Variants in DLG2 observed in about 807,000 individuals in gnomAD.
DLG2 encodes disks large homolog 2.
In DLG2, 45 loss-of-function variants were observed where a neutral mutation model predicts 132.5. The ratio of observed to expected loss-of-function variants is 0.34; its 90% CI spans 0.27 to 0.44. DLG2 has a LOEUF of 0.44. Ranked by LOEUF, DLG2 falls within the 20% of genes least tolerant of loss-of-function variation. The pLI, the probability that DLG2 is intolerant of heterozygous loss-of-function variation, is 1.00. For synonymous variants in DLG2, 424 were observed against 419.6 expected (o/e 1.01, Z -0.13); for missense variants, 1,045 against 1,196.9 (o/e 0.87, Z 1.87).
intron 6 of DLG2, among the ~76,000 whole-genome samples, chr11:84,544,632 G>C (rs919086167): frequency 2.0e-5 from 3 of 152,170 alleles, no homozygotes; most frequent in Admixed American, 2.0e-4. Flanking sequence ...CTATCTGGGA[G>C]ACATCTATCA....
intron 6 of DLG2, among the ~76,000 whole-genome samples, chr11:84,562,942 G>C (rs1267210076): frequency 6.6e-6 from 1 of 151,918 alleles, no homozygotes; most frequent in South Asian, 2.1e-4. Flanking sequence ...CATAGACATG[G>C]GGTCTTGGCA....
At chr11:85,049,391 A>G (rs2062670320) in intron 6 of DLG2, among the ~76,000 whole-genome samples, 1 of 152,086 alleles carries the variant, frequency 6.6e-6, no homozygotes, top group Non-Finnish European at 1.5e-5. Flanking sequence ...TCTAGCACCT[A>G]GCACTATGTC....
chr11:83,629,745 A>C (rs1044244182), intron 19 of DLG2, among the ~76,000 whole-genome samples: 1 of 152,024 alleles, frequency 6.6e-6, no homozygotes, highest in Admixed American at 6.6e-5. Flanking sequence ...TCATAAACTC[A>C]CTCTTCCAAG....
chr11:83,797,619 T>G (rs184597628), intron 17 of DLG2, among the ~76,000 whole-genome samples: 1 of 152,042 alleles, frequency 6.6e-6, no homozygotes, highest in Non-Finnish European at 1.5e-5. Flanking sequence ...TCTGGGTTCA[T>G]GCCATTCTCC....
chr11:84,317,250 G>C (rs2098369943), intron 7 of DLG2: 2 of 1,504,678 alleles, frequency 1.3e-6, no homozygotes, highest in South Asian at 2.7e-5. Context: ...TTTCCACCGT[G>C]GATTCCTCAG....
chr11:84,092,527 T>C (rs1030168448), intron 10 of DLG2, among the ~76,000 whole-genome samples: 1 of 152,190 alleles, frequency 6.6e-6, no homozygotes, highest in African/African-American at 2.4e-5. Context: ...ATTGTGTTCT[T>C]TCTCCTATAT....
chr11:83,587,787 C>T (rs1430131550), intron 19 of DLG2, among the ~76,000 whole-genome samples: 1 of 152,126 alleles, frequency 6.6e-6, no homozygotes, highest in African/African-American at 2.4e-5. Flanking sequence ...GGTGCGCGCA[C>T]CGTGCGCGAG....
intron 16 of DLG2, among the ~76,000 whole-genome samples, chr11:83,842,539 A>G (rs2057805350): frequency 6.7e-6 from 1 of 149,490 alleles, no homozygotes; most frequent in East Asian, 2.0e-4. Context: ...AAAAAAAAAA[A>G]AAAAAAAGGC....
intron 19 of DLG2, among the ~76,000 whole-genome samples, chr11:83,612,399 A>T (rs563244787): frequency 6.6e-6 from 1 of 152,372 alleles, no homozygotes; most frequent in East Asian, 1.9e-4. Context: ...CCTAAAACAT[A>T]GTCAGCATCT....
chr11:83,990,599 T>C (rs1286905092), intron 11 of DLG2, among the ~76,000 whole-genome samples: 1 of 152,156 alleles, frequency 6.6e-6, no homozygotes, highest in African/African-American at 2.4e-5. Flanking sequence ...TCAGAATAAA[T>C]ACTCAAATGC....
chr11:84,866,040 A>G (rs779279033), intron 6 of DLG2, among the ~76,000 whole-genome samples: 22 of 152,226 alleles, frequency 1.4e-4, no homozygotes, highest in Non-Finnish European at 3.1e-4. Context: ...GAGGATCAAA[A>G]GGTTGAGGGA....
At chr11:84,637,117 A>G (rs1402285860) in intron 6 of DLG2, among the ~76,000 whole-genome samples, 3 of 152,128 alleles carry the variant, frequency 2.0e-5, no homozygotes, top group Non-Finnish European at 4.4e-5. Context: ...ACAGGTTAAC[A>G]GACCATTATG....
intron 6 of DLG2, among the ~76,000 whole-genome samples, chr11:84,637,311 G>A (rs1164565399): frequency 6.6e-6 from 1 of 152,134 alleles, no homozygotes; most frequent in Non-Finnish European, 1.5e-5. Flanking sequence ...TCTTTTCTGT[G>A]AACCCACCAC....
chr11:85,305,561 G>A (rs2079881696), intron 3 of DLG2, among the ~76,000 whole-genome samples: 2 of 152,086 alleles, frequency 1.3e-5, no homozygotes, highest in South Asian at 4.2e-4. Context: ...CGCACAGGCT[G>A]GAGTGCAGTG....
At chr11:84,840,529 T>C (rs1009584308) in intron 6 of DLG2, among the ~76,000 whole-genome samples, 1 of 151,970 alleles carries the variant, frequency 6.6e-6, no homozygotes, top group African/African-American at 2.4e-5. Flanking sequence ...CTACTATAAA[T>C]ACACATGCAC....
intron 3 of DLG2, among the ~76,000 whole-genome samples, chr11:85,425,078 T>A (rs2090609587): frequency 6.6e-6 from 1 of 151,894 alleles, no homozygotes; most frequent in South Asian, 2.1e-4. Context: ...CCTTACCCCA[T>A]AAACCAGAAG....
At chr11:84,631,416 A>T (rs1486166547) in intron 6 of DLG2, among the ~76,000 whole-genome samples, 1 of 152,174 alleles carries the variant, frequency 6.6e-6, no homozygotes, top group African/African-American at 2.4e-5. Flanking sequence ...ACTGTGCTAT[A>T]GAGAAAATGA....
At chr11:83,877,003 T>C (rs999271561) in intron 15 of DLG2, among the ~76,000 whole-genome samples, 2 of 152,164 alleles carry the variant, frequency 1.3e-5, no homozygotes, top group African/African-American at 4.8e-5. Flanking sequence ...ATGAACATGT[T>C]GATATCAATT....
At chr11:84,795,406 G>A (rs1171301979) in intron 6 of DLG2, among the ~76,000 whole-genome samples, 1 of 151,938 alleles carries the variant, frequency 6.6e-6, no homozygotes, top group African/African-American at 2.4e-5. Flanking sequence ...ACGACACCTT[G>A]TCTGTGGAGG....
Sources: allele counts gnomAD v4.1 joint callset (sites outside exome capture counted in the v4.1 genomes callset), GRCh38; gene constraint gnomAD v4.1.1; transcripts MANE v1.5; gene names NCBI Gene and HGNC (gene_info 2026-07-23, HGNC 2026-07-21).